UNC5C: variants seen among roughly 807,000 people sequenced by gnomAD.
UNC5C encodes netrin receptor UNC5C.
A neutral mutation model predicts 99.8 loss-of-function variants in UNC5C; 47 were observed. The ratio of observed to expected loss-of-function variants is 0.47; its 90% CI spans 0.37 to 0.60. The LOEUF is 0.60. Among genes scored for constraint, UNC5C ranks in the 20% least tolerant of loss-of-function variants. The pLI, the probability that UNC5C is intolerant of heterozygous loss-of-function variation, is 0.00. For synonymous variants in UNC5C, 487 were observed against 452.2 expected (o/e 1.08, Z -0.98); for missense variants, 1,062 against 1,165.9 (o/e 0.91, Z 1.30).
chr4:95,390,110 T>C (rs929638191), intron 1 of UNC5C, among the ~76,000 whole-genome samples: 2 of 152,116 alleles, frequency 1.3e-5, no homozygotes, highest in Non-Finnish European at 2.9e-5. Context: ...AAAAGTATCA[T>C]ACTAATTCAT....
intron 1 of UNC5C, among the ~76,000 whole-genome samples, chr4:95,457,342 A>G (rs1198893499): frequency 6.6e-6 from 1 of 152,136 alleles, no homozygotes. Context: ...CCATATTAAA[A>G]GCATGTTTCT....
intron 14 of UNC5C, among the ~76,000 whole-genome samples, chr4:95,173,592 C>G (rs1318288833): frequency 7.0e-6 from 1 of 143,094 alleles, no homozygotes; most frequent in Non-Finnish European, 1.5e-5. Flanking sequence ...GGATGAAGCC[C>G]ACTTGATCAT....
At chr4:95,524,253 T>C (rs1447861704) in intron 1 of UNC5C, among the ~76,000 whole-genome samples, 1 of 152,170 alleles carries the variant, frequency 6.6e-6, no homozygotes, top group East Asian at 1.9e-4. Flanking sequence ...TTTAGCTAAG[T>C]TTGACTTTGG....
At position 95,429,571 on chromosome 4, in the gene UNC5C, T is replaced by C. The variant is rs970058900; in HGVS notation, c.125-93940A>G. ...AGAAAAAAAAGAAGAAAAAAAATTA[T>C]TCTTCCTGGCAGGCTGTAAGCTTTC... On this transcript the variant is annotated intron_variant, in intron 1 of 15. Transcript: ENST00000453304. Among the ~76,000 whole-genome samples the C allele has an allele frequency of 7.9e-5, 12 of 152,250 alleles. No individual in the cohort carries two copies. In the South Asian group the frequency reaches 1.7e-3, roughly 21 times the overall value.
At chr4:95,298,870 T>C (rs1282891713) in intron 3 of UNC5C, among the ~76,000 whole-genome samples, 1 of 152,074 alleles carries the variant, frequency 6.6e-6, no homozygotes, top group East Asian at 1.9e-4. Flanking sequence ...TACATATATA[T>C]GTTGTGAAAG....
rs147692423 is a variant in UNC5C, at chr4:95,541,230, G to A, written c.124+7504C>T. On this transcript the variant is annotated intron_variant, in intron 1 of 15. Transcript: ENST00000453304. Reference sequence around the variant, plus strand: ...GGAAAATTTCAGAAACAAACAATTCGTAAGTTTTAAACTGCATGGAGCTCT... The same window carrying A: ...GGAAAATTTCAGAAACAAACAATTCATAAGTTTTAAACTGCATGGAGCTCT... 1.6e-3 allele frequency among the ~76,000 whole-genome samples: 243 copies of A among 152,226 alleles called. No homozygotes were observed. In the South Asian group the frequency reaches 0.019, roughly 12 times the overall value.
At chr4:95,411,893 T>C (rs1195383294) in intron 1 of UNC5C, among the ~76,000 whole-genome samples, 1 of 152,092 alleles carries the variant, frequency 6.6e-6, no homozygotes. Context: ...TTCTCATTTC[T>C]TGCCTAACAA....
chr4:95,192,289 TCACCTCCTCCC>T lies in UNC5C; in HGVS notation c.2137-7104_2137-7094del, dbSNP rs1737164223. Among the ~76,000 whole-genome samples the T allele has an allele frequency of 1.2e-4, 13 of 111,382 alleles. No homozygotes were observed. In the South Asian group the frequency reaches 2.2e-3, roughly 18 times the overall value. 73.1% of individuals were successfully genotyped at this position (111,382 alleles called of 152,430 possible). A position where few individuals can be genotyped will look rare whatever the true frequency, so the allele number is the denominator to read the frequency against. On this transcript the variant is annotated intron_variant, in intron 12 of 15. Coordinates refer to ENST00000453304, the MANE Select transcript of UNC5C (RefSeq NM_003728.4). ...GCTCACCTCTTCTGCCCACCTCTTC[TCACCTCCTCCC>T]CTTCTCACCTCCTCCCCTGCTCACC...
At chr4:95,451,537 C>T (rs1384557978) in intron 1 of UNC5C, among the ~76,000 whole-genome samples, 1 of 152,116 alleles carries the variant, frequency 6.6e-6, no homozygotes, top group Non-Finnish European at 1.5e-5. Flanking sequence ...TGGAAATTCT[C>T]ATCATAAATA....
chr4:95,330,989 T>C (rs1403263685), intron 2 of UNC5C, among the ~76,000 whole-genome samples: 1 of 152,090 alleles, frequency 6.6e-6, no homozygotes, highest in Non-Finnish European at 1.5e-5. Context: ...CTTCTGAGTC[T>C]CTGTTGTCTA....
At chr4:95,423,848 T>G (rs781439985) in intron 1 of UNC5C, among the ~76,000 whole-genome samples, 3 of 152,184 alleles carry the variant, frequency 2.0e-5, no homozygotes, top group Non-Finnish European at 4.4e-5. Flanking sequence ...GGGGTAAACG[T>G]TCTCGAACAT....
At chr4:95,282,032 G>T (rs1741077459) in intron 3 of UNC5C, among the ~76,000 whole-genome samples, 1 of 152,130 alleles carries the variant, frequency 6.6e-6, no homozygotes, top group Admixed American at 6.5e-5. Flanking sequence ...ACAGGTCTAG[G>T]GCTTGGAAAA....
At chr4:95,515,890 T>G (rs1471252833) in intron 1 of UNC5C, among the ~76,000 whole-genome samples, 1 of 152,240 alleles carries the variant, frequency 6.6e-6, no homozygotes, top group East Asian at 1.9e-4. Flanking sequence ...ATAGATGTCA[T>G]GAAATTTGTG....
intron 15 of UNC5C, 44 bp from the exon 16 acceptor site, chr4:95,169,443 A>T (rs1442844797): frequency 1.3e-6 from 2 of 1,597,842 alleles, no homozygotes; most frequent in African/African-American, 2.7e-5. Flanking sequence ...TGTGACTTAC[A>T]TATCTATTTT....
In UNC5C at chr4:95,212,138, T is replaced by G. The variant is rs181747221; in HGVS notation, c.1733+3986A>C. Among the ~76,000 whole-genome samples the G allele has an allele frequency of 1.2e-3, 190 of 152,310 alleles. 1 individual carries two copies. The highest frequency in any genetic ancestry group is 4.0e-3 in the African/African-American group (168 of 41,586). ...TGGACCTTTATCCTCACACATTGCTTTATTATTTATATTTAATAGATGTAT... is the reference window on the plus strand; with the variant it reads ...TGGACCTTTATCCTCACACATTGCTGTATTATTTATATTTAATAGATGTAT... On this transcript the variant is annotated intron_variant, in intron 10 of 15. Transcript: ENST00000453304.
At chr4:95,492,301 C>A (rs1172906636) in intron 1 of UNC5C, among the ~76,000 whole-genome samples, 1 of 151,308 alleles carries the variant, frequency 6.6e-6, no homozygotes, top group East Asian at 1.9e-4. Context: ...TATCATGCTA[C>A]TTCCGCCATT....
chr4:95,487,929 T>C (rs1457017600), intron 1 of UNC5C, among the ~76,000 whole-genome samples: 1 of 151,788 alleles, frequency 6.6e-6, no homozygotes, highest in South Asian at 2.1e-4. Flanking sequence ...CTCGTCTTTT[T>C]AATTTAAGTA....
At chr4:95,174,099 A>AT (rs1408430445) in intron 14 of UNC5C, among the ~76,000 whole-genome samples, 1 of 151,614 alleles carries the variant, frequency 6.6e-6, no homozygotes, top group Non-Finnish European at 1.5e-5. Context: ...CCCCTTTATC[A>AT]TTTTTTATTG....
intron 1 of UNC5C, among the ~76,000 whole-genome samples, chr4:95,339,340 T>C (rs1743468707): frequency 6.6e-6 from 1 of 152,046 alleles, no homozygotes; most frequent in Non-Finnish European, 1.5e-5. Context: ...TTTTACTTTT[T>C]CAGGGCATTA....
Sources: allele counts gnomAD v4.1 joint callset (sites outside exome capture counted in the v4.1 genomes callset), GRCh38; gene constraint gnomAD v4.1.1; transcripts MANE v1.5; gene names NCBI Gene and HGNC (gene_info 2026-07-23, HGNC 2026-07-21).